CSGALNACT1: variants seen among roughly 807,000 people sequenced by gnomAD.
The protein encoded by CSGALNACT1 is beta4GalNAcT-1.
A neutral mutation model predicts 51.0 loss-of-function variants in CSGALNACT1; 52 were observed. That is an observed-to-expected ratio of 1.02 (90% confidence interval 0.82 to 1.29). The LOEUF is 1.29. Ranked by LOEUF, CSGALNACT1 falls within the 50% of genes most tolerant of loss-of-function variation. CSGALNACT1 has a pLI of 0.00. For missense variants in CSGALNACT1, 935 were observed against 679.2 expected (o/e 1.38, Z -4.19); for synonymous variants, 341 against 254.4 (o/e 1.34, Z -3.24).
intron 4 of CSGALNACT1, among the ~76,000 whole-genome samples, chr8:19,503,034 G>C (rs764241257): frequency 1.6e-4 from 24 of 152,150 alleles, no homozygotes; most frequent in Non-Finnish European, 2.9e-4. Flanking sequence ...AGCTTCCTCT[G>C]ACTAGTAGAA....
intron 3 of CSGALNACT1, among the ~76,000 whole-genome samples, chr8:19,569,791 C>T (rs963363262): frequency 5.9e-5 from 9 of 152,070 alleles, no homozygotes; most frequent in Non-Finnish European, 8.8e-5. Context: ...CCCTAATAGT[C>T]CAAAACTGGA....
intron 1 of CSGALNACT1, among the ~76,000 whole-genome samples, chr8:19,663,373 A>G (rs1028830555): frequency 6.6e-6 from 1 of 152,206 alleles, no homozygotes; most frequent in Non-Finnish European, 1.5e-5. Flanking sequence ...CTTCTCGCCA[A>G]AATCTAAAAA....
chr8:19,676,526 A>G (rs561303628), intron 1 of CSGALNACT1, among the ~76,000 whole-genome samples: 1 of 152,354 alleles, frequency 6.6e-6, no homozygotes, highest in South Asian at 2.1e-4. Flanking sequence ...TCTGAAGAAC[A>G]AAGAATAAAG....
intron 2 of CSGALNACT1, among the ~76,000 whole-genome samples, chr8:19,592,693 G>A (rs965912437): frequency 3.9e-5 from 6 of 152,198 alleles, no homozygotes; most frequent in African/African-American, 1.2e-4. Flanking sequence ...GGCAGAGGCT[G>A]CAGTGAGCCA....
intron 4 of CSGALNACT1, among the ~76,000 whole-genome samples, chr8:19,459,404 A>G (rs938946939): frequency 1.7e-3 from 258 of 151,008 alleles, no homozygotes; most frequent in African/African-American, 5.8e-3. Flanking sequence ...AAAAAAAAAA[A>G]AAAGGAAAGA....
chr8:19,455,331 C>G (rs1016909756), intron 5 of CSGALNACT1, among the ~76,000 whole-genome samples: 1 of 152,144 alleles, frequency 6.6e-6, no homozygotes, highest in African/African-American at 2.4e-5. Context: ...AAATACAAAT[C>G]GCTTCCAGTG....
chr8:19,653,004 C>A (rs771613315), intron 1 of CSGALNACT1, among the ~76,000 whole-genome samples: 2 of 152,120 alleles, frequency 1.3e-5, no homozygotes, highest in Non-Finnish European at 2.9e-5. Flanking sequence ...TATATAACTA[C>A]TTATAAGTTT....
At chr8:19,527,804 A>C (rs557252421) in intron 3 of CSGALNACT1, among the ~76,000 whole-genome samples, 1 of 152,166 alleles carries the variant, frequency 6.6e-6, no homozygotes, top group Non-Finnish European at 1.5e-5. Context: ...GTGTGGGCTT[A>C]GACAAGTTAA....
intron 5 of CSGALNACT1, among the ~76,000 whole-genome samples, chr8:19,452,911 T>G (rs2063450081): frequency 6.6e-6 from 1 of 152,102 alleles, no homozygotes; most frequent in Admixed American, 6.5e-5. Flanking sequence ...CACCCAGCTT[T>G]TACACTACAA....
At chr8:19,709,138 C>T (rs529520307) in intron 1 of CSGALNACT1, among the ~76,000 whole-genome samples, 25 of 152,310 alleles carry the variant, frequency 1.6e-4, no homozygotes, top group Non-Finnish European at 3.2e-4. Flanking sequence ...GATTCAAGAA[C>T]GAGCTGCCAG....
At chr8:19,560,318 G>A (rs1466731079) in intron 3 of CSGALNACT1, among the ~76,000 whole-genome samples, 1 of 152,152 alleles carries the variant, frequency 6.6e-6, no homozygotes, top group Non-Finnish European at 1.5e-5. Context: ...ATATATTCAT[G>A]ACCTTGAGCT....
chr8:19,474,443 A>G (rs1284077570), intron 4 of CSGALNACT1, among the ~76,000 whole-genome samples: 1 of 152,210 alleles, frequency 6.6e-6, no homozygotes, highest in East Asian at 1.9e-4. Context: ...TGGAATCGAA[A>G]TAACATATCA....
intron 1 of CSGALNACT1, among the ~76,000 whole-genome samples, chr8:19,670,346 T>A (rs2059695228): frequency 6.6e-6 from 1 of 152,106 alleles, no homozygotes; most frequent in Non-Finnish European, 1.5e-5. Flanking sequence ...TCAATCTGTA[T>A]CCCCTGAATA....
At chr8:19,643,341 A>C (rs2056931258) in intron 1 of CSGALNACT1, among the ~76,000 whole-genome samples, 1 of 152,194 alleles carries the variant, frequency 6.6e-6, no homozygotes, top group Non-Finnish European at 1.5e-5. Flanking sequence ...ATAGATTAAA[A>C]AGTAGGGAGC....
In CSGALNACT1 at chr8:19,649,143, C is replaced by G. The variant is rs191879865; in HGVS notation, c.-544+33330G>C. ...TATCTCAATTATTTCGTTTGTTCCT[C>G]TCAGTGATTCTAATATTCCCATTTT... On this transcript the variant is annotated intron_variant, in intron 1 of 9. Transcript: ENST00000332246. 4.9e-4 allele frequency among the ~76,000 whole-genome samples: 74 copies of G among 152,290 alleles called. 2 individuals carry two copies. The South Asian group carries it at 0.015, about 31-fold the overall frequency.
rs536190522 is a variant in CSGALNACT1 at position 19,619,942 on chromosome 8, T to C, written c.-543-18077A>G. ...TGAGACGCTGGGCAAATTATCCTTC[T>C]AAATTCTAGTTCTCTAATTTCTAAA... On this transcript the variant is annotated intron_variant, in intron 1 of 9. Transcript: ENST00000332246. 2.6e-5 allele frequency among the ~76,000 whole-genome samples: 4 copies of C among 152,316 alleles called. No homozygotes were observed. The East Asian group carries it at 7.7e-4, about 29-fold the overall frequency.
intron 5 of CSGALNACT1, among the ~76,000 whole-genome samples, chr8:19,456,652 T>C (rs2153813831): frequency 6.6e-6 from 1 of 152,212 alleles, no homozygotes; most frequent in South Asian, 2.1e-4. Context: ...ATAAAAACAC[T>C]CACTTCAGGA....
intron 5 of CSGALNACT1, among the ~76,000 whole-genome samples, chr8:19,451,943 C>T (rs113731916): frequency 1.8e-4 from 27 of 152,280 alleles, no homozygotes; most frequent in African/African-American, 6.5e-4. Context: ...TGTATGAGAG[C>T]AAAGGGTGTT....
intron 1 of CSGALNACT1, among the ~76,000 whole-genome samples, chr8:19,612,066 A>G (rs1368152649): frequency 6.6e-6 from 1 of 152,192 alleles, no homozygotes; most frequent in Non-Finnish European, 1.5e-5. Flanking sequence ...CCATGAGACC[A>G]GCACAGTGGT....
Sources: gnomAD v4.1 joint callset for allele counts (sites outside exome capture counted in the v4.1 genomes callset) on GRCh38, gnomAD v4.1.1 for gene constraint, MANE v1.5 for transcripts, NCBI Gene and HGNC (gene_info 2026-07-23, HGNC 2026-07-21) for gene names.